Variants in IFI35 observed in about 807,000 individuals in gnomAD.
IFI35 encodes the protein interferon induced protein 35.
In IFI35, 30 loss-of-function variants were observed where a neutral mutation model predicts 28.6. The observed-to-expected ratio is 1.05, with a 90% CI of 0.79 to 1.43. IFI35 has a LOEUF of 1.43. Among genes scored for constraint, IFI35 ranks in the 40% most tolerant of loss-of-function variants. The pLI, the probability that IFI35 is intolerant of heterozygous loss-of-function variation, is 0.00. For synonymous variants in IFI35, 146 were observed against 154.8 expected (o/e 0.94, Z 0.42); for missense variants, 372 against 356.9 (o/e 1.04, Z -0.34).
Position 43,013,203 on chromosome 17 carries a change from A to T in IFI35, c.268+9A>T. The T allele has an allele frequency of 1.2e-6, 2 of 1,614,074 alleles. No homozygotes were observed. The highest frequency in any genetic ancestry group is 1.7e-6 in the Non-Finnish European group (2 of 1,179,992). On this transcript the variant is annotated intron_variant, in intron 3 of 6. Coordinates refer to ENST00000415816, the MANE Select transcript of IFI35 (RefSeq NM_001330230.2). ...CTTTGATGACCCCAAAGGTAAGCTC[A>T]TGGGGAGCCTCAGGAGGGAGGTGGG...
intron 5 of IFI35, 28 bp downstream of exon 5, chr17:43,013,690 G>A (rs1415938601): frequency 1.9e-6 from 3 of 1,612,332 alleles, no homozygotes; most frequent in Non-Finnish European, 1.7e-6. Flanking sequence ...CTCCTGCAGG[G>A]GAGAGGGTAT....
intron 2 of IFI35, 57 bp from the exon 3 acceptor site, chr17:43,012,990 A>G (rs1304866693): frequency 6.5e-7 from 1 of 1,540,600 alleles, no homozygotes; most frequent in Non-Finnish European, 8.9e-7. Context: ...GGAATCGGAG[A>G]TGCCTTCCTC....
chr17:43,012,218 A>G lies in IFI35; in HGVS notation c.61A>G (p.Met21Val). 2 of 1,579,548 alleles carry G rather than the reference A, an allele frequency of 1.3e-6. No homozygotes were observed. Among genetic ancestry groups the G allele is most frequent in the Non-Finnish European group, 1.7e-6 (2 of 1,162,314 alleles). ...ALQEEQARLK[M>V]RLWDLQQLRK... ...TCAGGAGGAGCAGGCCAGACTCAAGATGAGGCTGTGGGACCTGCAGCAGCT... is the reference window on the plus strand; with the variant it reads ...TCAGGAGGAGCAGGCCAGACTCAAGGTGAGGCTGTGGGACCTGCAGCAGCT... Residue 21 changes from methionine to valine, a missense_variant, in exon 2 of 7, where the codon ATG (methionine) becomes GTG (valine). Transcript: ENST00000415816.
In IFI35 at chr17:43,012,830, T is replaced by C. The variant is rs1370075982; in HGVS notation, c.121-217T>C. On this transcript the variant is annotated intron_variant, in intron 2 of 6. Transcript: ENST00000415816. The stretch of plus-strand genomic sequence containing the variant: ...TGACCTCCATTATGTTACTTGAACA[T>C]CTGTAAAGTAGAGCTACCCACCTCC... 7.1e-6 allele frequency: 4 copies of C among 567,240 alleles called. No homozygotes were observed. The Admixed American group carries it at 1.3e-4, about 19-fold the overall frequency. 35.1% of individuals were successfully genotyped at this position (567,240 alleles called of 1,614,324 possible).
rs68028192 is a variant in IFI35 at position 43,007,847 on chromosome 17, TTATATATATATATA to T, written c.21+892_21+905del. On this transcript the variant is annotated intron_variant, in intron 1 of 6. Transcript: ENST00000415816. ...TCTCACACACACACACACACAAAAT[TTATATATATATATA>T]TATATATATATACTATAAGAATTAT... is the stretch of plus-strand genomic sequence containing the variant. 4.5e-4 allele frequency among the ~76,000 whole-genome samples: 53 copies of T among 119,034 alleles called. 1 individual carries two copies. The Middle Eastern group carries it at 0.033, about 73-fold the overall frequency. The allele number at this position is 119,034 out of a possible 152,430, so 78.1% of individuals were successfully genotyped here.
At chr17:43,012,799 G>T in intron 2 of IFI35, 1 of 499,312 alleles carries the variant, frequency 2.0e-6, no homozygotes, top group Non-Finnish European at 3.6e-6. Context: ...CTACTTCCTT[G>T]CTGTGTGACC....
intron 2 of IFI35, chr17:43,012,494 A>T: frequency 3.0e-6 from 1 of 336,594 alleles, no homozygotes; most frequent in Non-Finnish European, 5.5e-6. Flanking sequence ...TAATCCCAGC[A>T]CTTTGGGAGG....
intron 1 of IFI35, among the ~76,000 whole-genome samples, chr17:43,008,517 A>ATTTTTT (rs34213054): frequency 4.9e-5 from 2 of 41,068 alleles, no homozygotes; most frequent in African/African-American, 1.0e-4. Flanking sequence ...CGCCTGGCTC[A>ATTTTTT]TTTTTTTTTT....
At chr17:43,007,503 TAA>T (rs777529685) in intron 1 of IFI35, among the ~76,000 whole-genome samples, 19 of 108,500 alleles carry the variant, frequency 1.8e-4, no homozygotes, top group Non-Finnish European at 1.3e-4. Flanking sequence ...AGACTCTGTC[TAA>T]AAAAAAAAAA....
rs201068538 is a variant in IFI35, at chr17:43,013,601, C to T, written c.501C>T (p.Gly167=). The T allele has an allele frequency of 1.2e-4, 189 of 1,614,054 alleles. No homozygotes were observed. In the East Asian group the frequency reaches 1.7e-3, roughly 15 times the overall value. ...IFFGKTRNGG[G]DVDVRELLPG... ...TTGGCAAGACTAGGAACGGAGGTGG[C>T]GATGTGGACGTTCGGGAGCTACTGC... Residue 167 remains glycine, a synonymous_variant, in exon 5 of 7, where the codon GGC becomes GGT. Transcript: ENST00000415816.
At position 43,014,327 on chromosome 17, in the gene IFI35, C is replaced by T; in HGVS notation, c.*28C>T. On this transcript the variant is annotated 3_prime_UTR_variant, in exon 7 of 7. Transcript: ENST00000415816. ...GCCTCCCCTTCTCATCCTCCCCACC[C>T]CCCCGCCAAGGTTCTCACACTGGCC... 1.3e-6 allele frequency: 2 copies of T among 1,489,592 alleles called. No homozygotes were observed. The highest frequency in any genetic ancestry group is 1.8e-6 in the Non-Finnish European group (2 of 1,112,314). The allele number at this position is 1,489,592 out of a possible 1,614,324, so 92.3% of individuals were successfully genotyped here. A position where few individuals can be genotyped will look rare whatever the true frequency, so the allele number is the denominator to read the frequency against.
chr17:43,009,739 G>A (rs796533), intron 1 of IFI35, among the ~76,000 whole-genome samples: 29,536 of 151,398 alleles, frequency 0.2, 3,029 homozygotes, highest in South Asian at 0.27. Flanking sequence ...GCGACAGAGC[G>A]AGACTCTGTC....
In IFI35 at chr17:43,013,087, G is replaced by A. The variant is rs1485204949; in HGVS notation, c.161G>A (p.Gly54Glu). ...SVPKIPLVFRGHTQQDPEVPK... is the reference protein window; with the variant it reads ...SVPKIPLVFREHTQQDPEVPK... The stretch of plus-strand genomic sequence containing the variant: ...CCCAAGATCCCCCTGGTATTCCGAG[G>A]ACACACCCAGCAGGACCCGGAAGTG... The change falls in exon 3 of 7, where the codon GGA (glycine) becomes GAA (glutamate). Residue 54 changes from glycine (G) to glutamate (E), a missense_variant. Transcript: ENST00000415816. The A allele has an allele frequency of 1.2e-6, 2 of 1,613,914 alleles. No homozygotes were observed. The highest frequency in any genetic ancestry group is 1.3e-5 in the African/African-American group (1 of 74,862).
At position 43,013,588 on chromosome 17, in the gene IFI35, G is replaced by T; in HGVS notation, c.488G>T (p.Arg163Met). ...CTAGAGATCTTCTTTGGCAAGACTAGGAACGGAGGTGGCGATGTGGACGTT... is the reference window on the plus strand; with the variant it reads ...CTAGAGATCTTCTTTGGCAAGACTATGAACGGAGGTGGCGATGTGGACGTT... ...DKLEIFFGKT[R>M]NGGGDVDVRE... is the part of the protein sequence containing the mutation. Residue 163 changes from arginine to methionine, a missense_variant, in exon 5 of 7, where the codon AGG becomes ATG. Arg to Met is a moderately conservative substitution (Grantham distance 91). Transcript: ENST00000415816. The T allele has an allele frequency of 6.2e-7, 1 of 1,614,164 alleles. No individual in the cohort carries two copies. Among genetic ancestry groups the T allele is most frequent in the Middle Eastern group, 1.6e-4 (1 of 6,062 alleles).
intron 1 of IFI35, among the ~76,000 whole-genome samples, chr17:43,009,960 G>A (rs1449000391): frequency 6.6e-6 from 1 of 151,436 alleles, no homozygotes; most frequent in Non-Finnish European, 1.5e-5. Context: ...AGAGGGCTGG[G>A]CGCGGTGTCT....
intron 2 of IFI35, chr17:43,012,748 A>G: frequency 2.7e-6 from 1 of 368,274 alleles, no homozygotes; most frequent in East Asian, 5.9e-5. Context: ...AAAGAAACAC[A>G]AAAAAGAGCT....
chr17:43,013,774 A>G lies in IFI35; in HGVS notation c.563-2A>G. 1 of 1,613,228 alleles carries G rather than the reference A, an allele frequency of 6.2e-7. No homozygotes were observed. Among genetic ancestry groups the G allele is most frequent in the South Asian group, 1.1e-5 (1 of 91,070 alleles). The stretch of plus-strand genomic sequence containing the variant: ...AGGCCCACCCCTCCTTGCTCCCCAC[A>G]GTGGCTCAGCGTCTGTGCCAAATCG... On this transcript the variant is annotated splice_acceptor_variant, in intron 5 of 6. Coordinates refer to ENST00000415816, the MANE Select transcript of IFI35 (RefSeq NM_001330230.2). LOFTEE classifies it high-confidence loss of function.
At position 43,006,974 on chromosome 17, in the gene IFI35, T is replaced by G. The variant is rs2050413081; in HGVS notation, c.21+6T>G. 1.2e-6 allele frequency: 2 copies of G among 1,613,504 alleles called. No homozygotes were observed. The highest frequency in any genetic ancestry group is 1.3e-5 in the African/African-American group (1 of 74,814). On this transcript the variant is annotated splice_donor_region_variant and intron_variant, in intron 1 of 6. Coordinates refer to ENST00000415816, the MANE Select transcript of IFI35 (RefSeq NM_001330230.2). ...TGTCAGCCCCACTGGATGCCGTAAG[T>G]GAGGAGGAGGGAGTTGGGAAGTGGG...
At position 43,013,140 on chromosome 17, in the gene IFI35, A is replaced by G. The variant is rs2050477868; in HGVS notation, c.214A>G (p.Ile72Val). The change falls in exon 3 of 7, where the codon ATC (isoleucine) becomes GTC (valine). Residue 72 changes from isoleucine (I) to valine (V), a missense_variant. By Grantham distance (29) the Ile-to-Val change is conservative (BLOSUM62 3). Coordinates refer to ENST00000415816, the MANE Select transcript of IFI35 (RefSeq NM_001330230.2). The part of the protein sequence containing the change: ...VPKSLVSNLR[I>V]HCPLLAGSAL... ...TAAGTCTTTAGTTTCCAATTTGCGG[A>G]TCCACTGCCCTCTGCTTGCGGGCTC... 6.2e-7 allele frequency: 1 copy of G among 1,613,938 alleles called. No individual in the cohort carries two copies. Among genetic ancestry groups the G allele is most frequent in the Non-Finnish European group, 8.5e-7 (1 of 1,180,004 alleles).
Sources: gnomAD v4.1 joint callset for allele counts (sites outside exome capture counted in the v4.1 genomes callset) on GRCh38, gnomAD v4.1.1 for gene constraint, MANE v1.5 for transcripts, NCBI Gene and HGNC (gene_info 2026-07-23, HGNC 2026-07-21) for gene names.